ANKS1B: variants seen among roughly 807,000 people sequenced by gnomAD.
ANKS1B encodes ankyrin repeat and sterile alpha motif domain-containing protein 1B.
ANKS1B carries 36 observed loss-of-function variants against 148.3 expected under a neutral mutation model. The observed-to-expected ratio is 0.24, with a 90% CI of 0.19 to 0.32. The LOEUF is 0.32. Ranked by LOEUF, ANKS1B falls within the 10% of genes least tolerant of loss-of-function variation. ANKS1B has a pLI of 1.00. For missense variants in ANKS1B, 1,157 were observed against 1,542.6 expected, an observed-to-expected ratio of 0.75 and a Z score of 4.19; for synonymous variants, 542 against 560.8, an observed-to-expected ratio of 0.97 and a Z score of 0.47.
chr12:99,641,985 T>C (rs2098312589), intron 9 of ANKS1B, among the ~76,000 whole-genome samples: 2 of 152,148 alleles, frequency 1.3e-5, no homozygotes, highest in Admixed American at 1.3e-4. Context: ...AGAATTACTG[T>C]GAAATATAAG....
chr12:99,248,950 C>T (rs891508478), intron 12 of ANKS1B, among the ~76,000 whole-genome samples: 1 of 152,172 alleles, frequency 6.6e-6, no homozygotes, highest in Non-Finnish European at 1.5e-5. Context: ...AGCATCAGAG[C>T]TTTTTCTTTG....
intron 11 of ANKS1B, among the ~76,000 whole-genome samples, chr12:99,431,917 T>C (rs766499904): frequency 1.3e-5 from 2 of 152,146 alleles, no homozygotes; most frequent in African/African-American, 4.8e-5. Context: ...TAGAGGGTAT[T>C]TGGGTCAAGA....
chr12:99,334,295 T>C (rs917112289), intron 12 of ANKS1B, among the ~76,000 whole-genome samples: 8 of 152,070 alleles, frequency 5.3e-5, no homozygotes, highest in South Asian at 2.1e-4. Context: ...TTCTTTCTAA[T>C]TCAAGACCCA....
At chr12:99,190,195 A>G (rs2263047) in intron 14 of ANKS1B, among the ~76,000 whole-genome samples, 151,682 of 151,850 alleles carry the variant, frequency 1, 75,757 homozygotes, top group Middle Eastern at 1. Context: ...AAGAGAGAAC[A>G]CAAACAAATG....
chr12:99,554,079 AAGAG>A (rs1310747950), intron 9 of ANKS1B, among the ~76,000 whole-genome samples: 1 of 152,166 alleles, frequency 6.6e-6, no homozygotes, highest in Non-Finnish European at 1.5e-5. Flanking sequence ...CCCAGATATG[AAGAG>A]AAAGAGAGAG....
intron 17 of ANKS1B, among the ~76,000 whole-genome samples, chr12:99,019,435 G>A (rs2099944476): frequency 6.6e-6 from 1 of 152,156 alleles, no homozygotes; most frequent in South Asian, 2.1e-4. Flanking sequence ...TATAGCTATT[G>A]TTTGGAAGAA....
chr12:98,871,435 C>T (rs962104030), intron 17 of ANKS1B, among the ~76,000 whole-genome samples: 3 of 152,108 alleles, frequency 2.0e-5, no homozygotes, highest in African/African-American at 7.2e-5. Flanking sequence ...TAGTTATCTG[C>T]ATTTGACCAG....
intron 8 of ANKS1B, among the ~76,000 whole-genome samples, chr12:99,740,443 G>C (rs1204607402): frequency 6.6e-6 from 1 of 152,204 alleles, no homozygotes; most frequent in Non-Finnish European, 1.5e-5. Flanking sequence ...CTGCAGCATT[G>C]TTCCTGGCTT....
chr12:99,011,821 A>T (rs2099939596), intron 17 of ANKS1B, among the ~76,000 whole-genome samples: 1 of 152,222 alleles, frequency 6.6e-6, no homozygotes, highest in Admixed American at 6.5e-5. Context: ...CACAAGTCAA[A>T]TGGGTAAGAA....
intron 17 of ANKS1B, among the ~76,000 whole-genome samples, chr12:99,026,350 C>T (rs2099948754): frequency 6.6e-6 from 1 of 152,278 alleles, no homozygotes; most frequent in Admixed American, 6.5e-5. Flanking sequence ...TTAGTTCACA[C>T]TTACGCTGTT....
At chr12:99,340,531 A>G (rs1338841255) in intron 12 of ANKS1B, among the ~76,000 whole-genome samples, 2 of 151,710 alleles carry the variant, frequency 1.3e-5, no homozygotes, top group Non-Finnish European at 2.9e-5. Context: ...TATATTTTTT[A>G]TTTATATATA....
At chr12:99,591,136 T>C (rs17472445) in intron 9 of ANKS1B, among the ~76,000 whole-genome samples, 17,644 of 152,098 alleles carry the variant, frequency 0.12, 1,305 homozygotes, top group Non-Finnish European at 0.16. Flanking sequence ...TAGTCGAGAA[T>C]ACTGATCTTA....
In ANKS1B at chr12:99,637,888, G is replaced by T. The variant is rs572103138; in HGVS notation, c.1272+17179C>A. 6.6e-5 allele frequency among the ~76,000 whole-genome samples: 10 copies of T among 151,224 alleles called. No homozygotes were observed. In the East Asian group the frequency reaches 1.7e-3, roughly 26 times the overall value. On this transcript the variant is annotated intron_variant, in intron 9 of 26. Coordinates refer to ENST00000683438, the MANE Select transcript of ANKS1B (RefSeq NM_001352186.2). ...ATAAAGAGAGAAAAAAAGAGAGAGA[G>T]ATCCTGTTAGTTCTGTCCCTCTAGA...
At chr12:99,615,829 A>G in intron 9 of ANKS1B, among the ~76,000 whole-genome samples, 1 of 152,150 alleles carries the variant, frequency 6.6e-6, no homozygotes, top group East Asian at 1.9e-4. Flanking sequence ...AGGGTATTCA[A>G]ATAGGAAGAC....
chr12:98,898,794 A>G (rs2099768292), intron 17 of ANKS1B, among the ~76,000 whole-genome samples: 1 of 152,168 alleles, frequency 6.6e-6, no homozygotes, highest in Non-Finnish European at 1.5e-5. Context: ...TTTCCTGCAA[A>G]GTGAGACAGT....
intron 25 of ANKS1B, among the ~76,000 whole-genome samples, chr12:98,768,096 G>A (rs967170959): frequency 6.6e-6 from 1 of 152,138 alleles, no homozygotes; most frequent in Non-Finnish European, 1.5e-5. Context: ...GTTTGGGGAA[G>A]CTTTTGTTCT....
chr12:98,768,889 G>GA (rs397801109), intron 25 of ANKS1B, among the ~76,000 whole-genome samples: 1 of 150,302 alleles, frequency 6.7e-6, no homozygotes, highest in African/African-American at 2.5e-5. Flanking sequence ...TGTAGGGGGG[G>GA]CTCCAGGCCT....
intron 1 of ANKS1B, among the ~76,000 whole-genome samples, chr12:99,915,442 G>A (rs2094144235): frequency 6.6e-6 from 1 of 152,140 alleles, no homozygotes; most frequent in Admixed American, 6.6e-5. Context: ...TTCATATGGA[G>A]GCAATCTCTG....
intron 8 of ANKS1B, among the ~76,000 whole-genome samples, chr12:99,734,688 C>T (rs2059457778): frequency 6.6e-6 from 1 of 152,214 alleles, no homozygotes; most frequent in Admixed American, 6.5e-5. Flanking sequence ...TGTTAAACTT[C>T]TTGACAAAGT....
Sources: gnomAD v4.1 joint callset for allele counts (sites outside exome capture counted in the v4.1 genomes callset) on GRCh38, gnomAD v4.1.1 for gene constraint, MANE v1.5 for transcripts, NCBI Gene and HGNC (gene_info 2026-07-23, HGNC 2026-07-21) for gene names.